Variants in GRIK1 observed in about 807,000 individuals in gnomAD.
GRIK1 encodes glutamate ionotropic receptor kainate type subunit 1.
In GRIK1, 69 loss-of-function variants were observed where a neutral mutation model predicts 105.7. The observed-to-expected ratio is 0.65, with a 90% CI of 0.54 to 0.80. GRIK1 has a LOEUF of 0.80. Ranked by LOEUF, GRIK1 falls within the 30% of genes least tolerant of loss-of-function variation. GRIK1 has a pLI of 0.00. For missense variants in GRIK1, 1,109 were observed against 1,167.3 expected (o/e 0.95, Z 0.73); for synonymous variants, 438 against 431.3 (o/e 1.02, Z -0.19).
intron 7 of GRIK1, among the ~76,000 whole-genome samples, chr21:29,625,323 T>G (rs1435583661): frequency 1.3e-5 from 2 of 152,146 alleles, no homozygotes; most frequent in African/African-American, 4.8e-5. Context: ...TTTCAGAGGT[T>G]TTGTCAGGTG....
intron 1 of GRIK1, among the ~76,000 whole-genome samples, chr21:29,873,332 A>G (rs955973118): frequency 2.0e-5 from 3 of 152,220 alleles, no homozygotes; most frequent in African/African-American, 7.2e-5. Context: ...GGAACCCCAC[A>G]TAAAAGTAAT....
chr21:29,562,482 C>T (rs767389406), intron 14 of GRIK1, among the ~76,000 whole-genome samples: 33 of 151,990 alleles, frequency 2.2e-4, no homozygotes, highest in Non-Finnish European at 3.8e-4. Flanking sequence ...ATGGTGAAAC[C>T]CTGTCTCTAC....
intron 4 of GRIK1, among the ~76,000 whole-genome samples, chr21:29,664,380 A>AT (rs1012919105): frequency 6.6e-5 from 10 of 152,172 alleles, no homozygotes; most frequent in African/African-American, 2.4e-4. Context: ...TAAGTGGAAT[A>AT]TTTTATATAT....
intron 1 of GRIK1, among the ~76,000 whole-genome samples, chr21:29,807,041 C>G (rs2066880919): frequency 1.3e-5 from 2 of 152,166 alleles, no homozygotes; most frequent in Admixed American, 6.6e-5. Context: ...AGATACAGGT[C>G]TCAATCCTCC....
At chr21:29,937,767 G>A (rs184269204) in intron 1 of GRIK1, among the ~76,000 whole-genome samples, 29 of 150,416 alleles carry the variant, frequency 1.9e-4, no homozygotes, top group Admixed American at 1.6e-3. Context: ...TAACACACAC[G>A]CTCATTAGTT....
At chr21:29,832,366 G>A (rs1285358979) in intron 1 of GRIK1, among the ~76,000 whole-genome samples, 1 of 152,108 alleles carries the variant, frequency 6.6e-6, no homozygotes, top group Non-Finnish European at 1.5e-5. Context: ...TCTGTGTATG[G>A]GCTGCAATCC....
At chr21:29,794,311 A>G (rs941617060) in intron 1 of GRIK1, among the ~76,000 whole-genome samples, 7 of 152,252 alleles carry the variant, frequency 4.6e-5, no homozygotes, top group African/African-American at 1.7e-4. Flanking sequence ...AGAAAAACGT[A>G]TATTTTTAAA....
intron 1 of GRIK1, among the ~76,000 whole-genome samples, chr21:29,936,118 T>C (rs1319499984): frequency 6.6e-6 from 1 of 152,176 alleles, no homozygotes; most frequent in East Asian, 1.9e-4. Context: ...TTGATGTATC[T>C]AGTAAATCAC....
intron 1 of GRIK1, among the ~76,000 whole-genome samples, chr21:29,874,564 G>A (rs1393030689): frequency 6.6e-6 from 1 of 152,184 alleles, no homozygotes; most frequent in Non-Finnish European, 1.5e-5. Flanking sequence ...ACCTCCTGCT[G>A]TGCTTCCCAG....
intron 1 of GRIK1, among the ~76,000 whole-genome samples, chr21:29,827,926 C>G (rs919725036): frequency 1.3e-5 from 2 of 151,602 alleles, no homozygotes; most frequent in Non-Finnish European, 2.9e-5. Flanking sequence ...CTTGAATTGG[C>G]TGGGCCACTG....
intron 1 of GRIK1, among the ~76,000 whole-genome samples, chr21:29,823,150 A>G (rs2067351695): frequency 6.6e-6 from 1 of 151,990 alleles, no homozygotes; most frequent in African/African-American, 2.4e-5. Flanking sequence ...CGAACATGAG[A>G]GACAATTATT....
intron 13 of GRIK1, among the ~76,000 whole-genome samples, chr21:29,577,407 T>A (rs1482014675): frequency 6.6e-6 from 1 of 152,222 alleles, no homozygotes; most frequent in African/African-American, 2.4e-5. Flanking sequence ...GCTGATGGTA[T>A]TAAAACAGTT....
intron 1 of GRIK1, among the ~76,000 whole-genome samples, chr21:29,700,442 T>TGTGCTATTCG (rs2063790335): frequency 6.6e-6 from 1 of 152,198 alleles, no homozygotes; most frequent in Admixed American, 6.5e-5. Flanking sequence ...AGGTCAATAA[T>TGTGCTATTCG]GTGCTATTCG....
At chr21:29,546,548 G>T (rs1258407332) in intron 16 of GRIK1, among the ~76,000 whole-genome samples, 1 of 152,220 alleles carries the variant, frequency 6.6e-6, no homozygotes, top group African/African-American at 2.4e-5. Flanking sequence ...CCTCCTCACA[G>T]AGATTAAGGT....
At chr21:29,792,457 G>A (rs562676626) in intron 1 of GRIK1, among the ~76,000 whole-genome samples, 13 of 152,252 alleles carry the variant, frequency 8.5e-5, no homozygotes, top group Admixed American at 2.6e-4. Context: ...CATTCCCATC[G>A]TTATGAGGTA....
chr21:29,800,348 T>A (rs191811198), intron 1 of GRIK1, among the ~76,000 whole-genome samples: 1 of 152,322 alleles, frequency 6.6e-6, no homozygotes, highest in East Asian at 1.9e-4. Context: ...TTCTCCACCA[T>A]GTGTATGCAT....
chr21:29,651,413 G>A (rs1734564670), intron 5 of GRIK1, 122 bp from the exon 6 acceptor site: 1 of 683,638 alleles, frequency 1.5e-6, no homozygotes, highest in African/African-American at 1.8e-5. Context: ...TGGTTTTGTG[G>A]TTCATGGTTT....
chr21:29,869,305 A>C (rs995475063), intron 1 of GRIK1, among the ~76,000 whole-genome samples: 1 of 152,240 alleles, frequency 6.6e-6, no homozygotes, highest in South Asian at 2.1e-4. Context: ...AAATTATGCA[A>C]CCGGGACCTA....
intron 7 of GRIK1, among the ~76,000 whole-genome samples, chr21:29,623,445 C>T (rs2062053164): frequency 6.8e-6 from 1 of 147,488 alleles, no homozygotes; most frequent in South Asian, 2.1e-4. Context: ...TGAAAAATCT[C>T]CTTAAAAAAA....
Sources: gnomAD v4.1 joint callset for allele counts (sites outside exome capture counted in the v4.1 genomes callset) on GRCh38, gnomAD v4.1.1 for gene constraint, MANE v1.5 for transcripts, NCBI Gene and HGNC (gene_info 2026-07-23, HGNC 2026-07-21) for gene names.